The following SELP variants were observed in gnomAD, a reference collection of about 807,000 sequenced individuals.
SELP encodes the protein P-selectin.
SELP carries 92 observed loss-of-function variants against 104.1 expected under a neutral mutation model. That is an observed-to-expected ratio of 0.88 (90% CI 0.75 to 1.05). The LOEUF is 1.05. Among genes scored for constraint, SELP ranks in the 50% least tolerant of loss-of-function variants. SELP has a pLI of 0.00. For missense variants in SELP, 1,022 were observed against 1,017.3 expected (o/e 1.00, Z -0.06); for synonymous variants, 397 against 364.5 (o/e 1.09, Z -1.01).
chr1:169,605,498 G>GTT (rs1662140925), intron 9 of SELP, among the ~76,000 whole-genome samples: 1 of 151,852 alleles, frequency 6.6e-6, no homozygotes, highest in Non-Finnish European at 1.5e-5. Flanking sequence ...GGGGGTGTGT[G>GTT]TGTGTGTATG....
At chr1:169,609,726 G>C (rs959726260) in intron 7 of SELP, 37 bp from the exon 8 acceptor site, 1 of 1,568,250 alleles carries the variant, frequency 6.4e-7, no homozygotes, top group Non-Finnish European at 8.7e-7. Flanking sequence ...CCAGGTAATG[G>C]AAGGGCCGGG....
At chr1:169,616,646 T>A (rs911577968) in intron 3 of SELP, among the ~76,000 whole-genome samples, 4 of 152,200 alleles carry the variant, frequency 2.6e-5, no homozygotes, top group Non-Finnish European at 1.5e-5. Flanking sequence ...TTACACTCTC[T>A]GTTATACAAG....
chr1:169,621,968 C>T (rs1230555152), intron 1 of SELP, among the ~76,000 whole-genome samples: 1 of 152,144 alleles, frequency 6.6e-6, no homozygotes, highest in African/African-American at 2.4e-5. Context: ...GCTGACTTCC[C>T]AAGGGGTTCA....
chr1:169,606,798 G>C (rs1048310715), intron 9 of SELP, 151 bp downstream of exon 9: 2 of 694,552 alleles, frequency 2.9e-6, no homozygotes, highest in Non-Finnish European at 4.8e-6. Context: ...TGGGATCCTT[G>C]GGTTATAGGA....
Position 169,594,790 on chromosome 1 carries a change from C to A in SELP, c.2189G>T (p.Cys730Phe), listed in dbSNP as rs755078983. Residue 730 changes from cysteine to phenylalanine, a missense_variant, in exon 13 of 17, where the codon TGC becomes TTC. Transcript: ENST00000263686. Reference sequence around the variant, plus strand: ...CTGGCCCTCTAGACAATGGAAAGAGCAGATTGATCCATAACTGAAGTTTCC... The same window carrying A: ...CTGGCCCTCTAGACAATGGAAAGAGAAGATTGATCCATAACTGAAGTTTCC... Reference protein sequence around the residue: ...LWGNFSYGSICSFHCLEGQLL... With the variant: ...LWGNFSYGSIFSFHCLEGQLL... The A allele has an allele frequency of 6.2e-7, 1 of 1,613,692 alleles. No homozygotes were observed. Among genetic ancestry groups the A allele is most frequent in the African/African-American group, 1.3e-5 (1 of 74,902 alleles).
intron 8 of SELP, 51 bp from the exon 9 acceptor site, chr1:169,607,185 A>C: frequency 4.9e-6 from 7 of 1,420,246 alleles, no homozygotes; most frequent in Non-Finnish European, 6.6e-6. Flanking sequence ...ACATGTACTC[A>C]TTGATTTTTG....
In SELP at chr1:169,588,883, A is replaced by G. The variant is rs1661208903; in HGVS notation, c.*580T>C. 6.6e-6 allele frequency: 1 copy of G among 152,208 alleles called. No homozygotes were observed. 9.4% of individuals were successfully genotyped at this position (152,208 alleles called of 1,614,324 possible). On this transcript the variant is annotated 3_prime_UTR_variant, in exon 17 of 17. Coordinates refer to ENST00000263686, the MANE Select transcript of SELP (RefSeq NM_003005.4). ...AATTCTTTTAATTACGCATTTGAATATTGGTCTTTGGGTCATTTGAGGGAC... is the reference window on the plus strand; with the variant it reads ...AATTCTTTTAATTACGCATTTGAATGTTGGTCTTTGGGTCATTTGAGGGAC...
rs6133 is a variant in SELP, at chr1:169,596,108, C to A, written c.1918G>T (p.Val640Leu). Residue 640 changes from valine (V) to leucine (L), a missense_variant, in exon 12 of 17, where the codon GTG (valine) becomes TTG (leucine). Val to Leu is a conservative substitution (Grantham distance 32). Transcript: ENST00000263686. ...KGIASLPTPGVQCPALTTPGQ... is the reference protein window; with the variant it reads ...KGIASLPTPGLQCPALTTPGQ... ...GGAGTGGTGAGGGCTGGACATTGCA[C>A]CCCTGGAGTAGGAAGTGATGCTATG... is the stretch of plus-strand genomic sequence containing the variant. 208,927 of 1,613,262 alleles carry A rather than the reference C, an allele frequency of 0.13. 22,201 individuals carry two copies. Among genetic ancestry groups the A allele is most frequent in the African/African-American group, 0.56 (42,140 of 74,834 alleles).
chr1:169,627,439 A>G (rs1051419329), intron 1 of SELP, among the ~76,000 whole-genome samples: 19 of 152,248 alleles, frequency 1.2e-4, no homozygotes, highest in Non-Finnish European at 2.6e-4. Context: ...TTAAAAATAA[A>G]GTACGACACT....
rs186472141 is a variant in SELP, at chr1:169,621,257, C to A, written c.4-2038G>T. On this transcript the variant is annotated intron_variant, in intron 1 of 16. Transcript: ENST00000263686. ...TGTGTGTGTGTGTGTTTGTGTCACACCCCAGTGATGGATGATGTAGGGTGC... is the reference window on the plus strand; with the variant it reads ...TGTGTGTGTGTGTGTTTGTGTCACAACCCAGTGATGGATGATGTAGGGTGC... Among the ~76,000 whole-genome samples, 406 of 141,776 alleles carry A rather than the reference C, an allele frequency of 2.9e-3. 1 individual carries two copies. Among genetic ancestry groups the A allele is most frequent in the African/African-American group, 0.01 (383 of 37,330 alleles). 93.0% of individuals were successfully genotyped at this position (141,776 alleles called of 152,430 possible).
At chr1:169,600,999 A>G (rs3917780) in intron 10 of SELP, among the ~76,000 whole-genome samples, 2,419 of 152,332 alleles carry the variant, frequency 0.016, 49 homozygotes, top group African/African-American at 0.049. Context: ...GCTGGAAAGT[A>G]GTGAAGGGAA....
At chr1:169,608,133 C>T (rs112854499) in intron 8 of SELP, among the ~76,000 whole-genome samples, 83 of 142,176 alleles carry the variant, frequency 5.8e-4, no homozygotes, top group Middle Eastern at 7.0e-3. Context: ...TATTCTATTG[C>T]CTTCTTGTTT....
Position 169,593,591 on chromosome 1 carries a change from T to G in SELP, c.2407+14A>C. ...TGTAACCAAGATGCAAAGAGAAGACTCTTTCCTATTTACCTTTTTGTCTGA... is the reference window on the plus strand; with the variant it reads ...TGTAACCAAGATGCAAAGAGAAGACGCTTTCCTATTTACCTTTTTGTCTGA... On this transcript the variant is annotated intron_variant, in intron 14 of 16. Transcript: ENST00000263686. 1 of 1,610,910 alleles carries G rather than the reference T, an allele frequency of 6.2e-7. No individual in the cohort carries two copies. Among genetic ancestry groups the G allele is most frequent in the Non-Finnish European group, 8.5e-7 (1 of 1,177,950 alleles).
At chr1:169,600,020 G>A (rs754888346) in intron 10 of SELP, among the ~76,000 whole-genome samples, 1 of 152,192 alleles carries the variant, frequency 6.6e-6, no homozygotes, top group Admixed American at 6.5e-5. Context: ...GCAGGGACAG[G>A]AGGGATACGG....
chr1:169,620,949 C>CTG (rs57455285), intron 1 of SELP, among the ~76,000 whole-genome samples: 23,875 of 76,126 alleles, frequency 0.31, 3,340 homozygotes, highest in Non-Finnish European at 0.36. Flanking sequence ...GTGTGGGGTT[C>CTG]TGTGTGTGTG....
In SELP at chr1:169,630,085, A is replaced by G. The variant is rs1411439120; in HGVS notation, c.-11T>C. 1 of 1,613,838 alleles carries G rather than the reference A, an allele frequency of 6.2e-7. No individual in the cohort carries two copies. The highest frequency in any genetic ancestry group is 8.5e-7 in the Non-Finnish European group (1 of 1,179,966). ...AAATAAACTCACCATCTCCTCTGTG[A>G]CTCTGCTGGTTTTCTGCCTTCTGCC... On this transcript the variant is annotated 5_prime_UTR_variant, in exon 1 of 17. Coordinates refer to ENST00000263686, the MANE Select transcript of SELP (RefSeq NM_003005.4).
chr1:169,589,960 G>A (rs550890750), intron 16 of SELP, among the ~76,000 whole-genome samples, 187 bp downstream of exon 16: 1 of 152,306 alleles, frequency 6.6e-6, no homozygotes, highest in African/African-American at 2.4e-5. Flanking sequence ...AAATCCTTTT[G>A]TGAACTCTTT....
intron 3 of SELP, 115 bp downstream of exon 3, chr1:169,616,913 G>T: frequency 6.0e-6 from 7 of 1,163,052 alleles, no homozygotes; most frequent in Non-Finnish European, 8.4e-6. Context: ...TTTACCCCTT[G>T]ATTTCATGTC....
chr1:169,597,325 T>A (rs1484940278), intron 10 of SELP, 149 bp from the exon 11 acceptor site: 1 of 622,010 alleles, frequency 1.6e-6, no homozygotes, highest in Non-Finnish European at 2.6e-6. Context: ...CCACAACATA[T>A]CATGTAGGTC....
Sources: allele counts gnomAD v4.1 joint callset (sites outside exome capture counted in the v4.1 genomes callset), GRCh38; gene constraint gnomAD v4.1.1; transcripts MANE v1.5; gene names NCBI Gene and HGNC (gene_info 2026-07-23, HGNC 2026-07-21).